RIMS1: variants seen among roughly 807,000 people sequenced by gnomAD.
RIMS1 encodes regulating synaptic membrane exocytosis 1.
In RIMS1, 83 loss-of-function variants were observed where a neutral mutation model predicts 214.1. The observed-to-expected ratio is 0.39, with a 90% confidence interval of 0.32 to 0.47. The LOEUF (loss-of-function observed/expected upper bound fraction) is 0.47. Ranked by LOEUF, RIMS1 falls within the 20% of genes least tolerant of loss-of-function variation. The probability of loss-of-function intolerance (pLI) is 0.99; values close to 1 mark genes in which losing one functional copy is unlikely to be tolerated. For synonymous variants in RIMS1, 793 were observed against 786.8 expected, an observed-to-expected ratio of 1.01 and a Z score of -0.13; for missense variants, 2,050 against 2,161.8, an observed-to-expected ratio of 0.95 and a Z score of 1.03.
At chr6:72,006,962 C>A (rs1284067030) in intron 2 of RIMS1, among the ~76,000 whole-genome samples, 1 of 152,186 alleles carries the variant, frequency 6.6e-6, no homozygotes, top group East Asian at 1.9e-4. Context: ...TGTCTGACAG[C>A]TTGGAAGACA....
intron 2 of RIMS1, among the ~76,000 whole-genome samples, chr6:71,990,634 G>A (rs9442727): frequency 0.53 from 80,850 of 151,696 alleles, 21,983 homozygotes; most frequent in East Asian, 0.83. Flanking sequence ...TAAAGAAATC[G>A]GAGATGGCTT....
In RIMS1 at chr6:71,988,443, A is replaced by T. The variant is rs536783671; in HGVS notation, c.245+19380A>T. Among the ~76,000 whole-genome samples the T allele has an allele frequency of 9.2e-4, 136 of 147,850 alleles. 1 individual carries two copies. The highest frequency in any genetic ancestry group is 1.8e-3 in the Non-Finnish European group (117 of 66,576). ...ATCCGAAATTCTTTACTTAGGAATT[A>T]AAAAAAAAAACTTGTGTGTTCTCAT... On this transcript the variant is annotated intron_variant, in intron 2 of 33. Coordinates refer to ENST00000521978, the MANE Select transcript of RIMS1 (RefSeq NM_014989.7).
chr6:72,138,521 G>A (rs1480389393), intron 4 of RIMS1, among the ~76,000 whole-genome samples: 2 of 152,078 alleles, frequency 1.3e-5, no homozygotes, highest in African/African-American at 4.8e-5. Flanking sequence ...AAAAATGTTT[G>A]TATACGTTTG....
At chr6:72,190,428 A>C (rs966468823) in intron 6 of RIMS1, among the ~76,000 whole-genome samples, 2 of 146,560 alleles carry the variant, frequency 1.4e-5, no homozygotes, top group Non-Finnish European at 3.0e-5. Flanking sequence ...GCGCCATTGC[A>C]CTCCAGCCTT....
At chr6:72,390,777 A>C (rs769570320) in intron 30 of RIMS1, 41 bp downstream of exon 30, 1 of 1,604,712 alleles carries the variant, frequency 6.2e-7, no homozygotes, top group African/African-American at 1.3e-5. Context: ...TGGAACCAGG[A>C]ATTGTGTACT....
intron 4 of RIMS1, among the ~76,000 whole-genome samples, chr6:72,137,192 G>T (rs2041428742): frequency 6.6e-6 from 1 of 151,794 alleles, no homozygotes; most frequent in Non-Finnish European, 1.5e-5. Context: ...TTGTTTCAAG[G>T]GTTTTTAAGA....
At chr6:71,909,468 A>G (rs1445632023) in intron 1 of RIMS1, among the ~76,000 whole-genome samples, 2 of 152,182 alleles carry the variant, frequency 1.3e-5, no homozygotes, top group African/African-American at 4.8e-5. Context: ...TGACATCCAA[A>G]TCACAAGTTA....
At chr6:71,912,761 C>G (rs1055586851) in intron 1 of RIMS1, among the ~76,000 whole-genome samples, 4 of 152,008 alleles carry the variant, frequency 2.6e-5, no homozygotes, top group Non-Finnish European at 4.4e-5. Context: ...GGTACTGAAT[C>G]ATATTGCCCA....
At chr6:72,165,175 G>A (rs1241516231) in intron 4 of RIMS1, among the ~76,000 whole-genome samples, 1 of 151,734 alleles carries the variant, frequency 6.6e-6, no homozygotes, top group Non-Finnish European at 1.5e-5. Context: ...CCTACTTAAG[G>A]CTATGTATTT....
At chr6:72,324,773 G>A (rs1174910173) in intron 28 of RIMS1, among the ~76,000 whole-genome samples, 1 of 151,846 alleles carries the variant, frequency 6.6e-6, no homozygotes, top group Non-Finnish European at 1.5e-5. Flanking sequence ...AAGGTTTACT[G>A]GAACACATCT....
intron 2 of RIMS1, among the ~76,000 whole-genome samples, chr6:72,092,188 A>C (rs1836407324): frequency 2.0e-5 from 3 of 152,180 alleles, no homozygotes; most frequent in Admixed American, 2.0e-4. Context: ...AGAACAATTT[A>C]ATAGAACAGT....
chr6:72,087,120 A>T (rs1156367230), intron 2 of RIMS1, among the ~76,000 whole-genome samples: 1 of 152,262 alleles, frequency 6.6e-6, no homozygotes, highest in Non-Finnish European at 1.5e-5. Flanking sequence ...CGAGACAGAC[A>T]CAAGTACATA....
chr6:72,270,472 G>C (rs1591395795), intron 22 of RIMS1, among the ~76,000 whole-genome samples: 1 of 152,076 alleles, frequency 6.6e-6, no homozygotes. Context: ...TCGTTCATTT[G>C]GGGAGTTTAG....
intron 6 of RIMS1, among the ~76,000 whole-genome samples, chr6:72,189,581 A>G (rs1179014242): frequency 6.6e-6 from 1 of 152,190 alleles, no homozygotes; most frequent in African/African-American, 2.4e-5. Context: ...AGTGTAATCA[A>G]CCTGCCACCA....
chr6:72,221,709 AGTATACCT>A (rs1457359269), intron 6 of RIMS1, among the ~76,000 whole-genome samples: 3 of 152,022 alleles, frequency 2.0e-5, no homozygotes, highest in African/African-American at 7.2e-5. Context: ...TTTTATTTAT[AGTATACCT>A]GTATATAACA....
chr6:72,305,106 A>G (rs1233067068), intron 26 of RIMS1, among the ~76,000 whole-genome samples: 1 of 151,994 alleles, frequency 6.6e-6, no homozygotes, highest in African/African-American at 2.4e-5. Flanking sequence ...TTTATGATTT[A>G]GTTTTACATT....
intron 2 of RIMS1, among the ~76,000 whole-genome samples, chr6:72,093,240 GTA>G (rs1836826148): frequency 1.1e-5 from 1 of 95,034 alleles, no homozygotes; most frequent in South Asian, 3.5e-4. Context: ...AAACATGTGT[GTA>G]TATATGTATA....
intron 6 of RIMS1, among the ~76,000 whole-genome samples, chr6:72,211,143 A>C (rs752476254): frequency 6.6e-6 from 1 of 152,190 alleles, no homozygotes; most frequent in South Asian, 2.1e-4. Context: ...GGTATTACTA[A>C]AAGGATCTGG....
chr6:71,957,075 G>T lies in RIMS1; in HGVS notation c.165-11908G>T, dbSNP rs117169976. On this transcript the variant is annotated intron_variant, in intron 1 of 33. Coordinates refer to ENST00000521978, the MANE Select transcript of RIMS1 (RefSeq NM_014989.7). ...GTTATTAGAGAAGTTTGTAAAATCTGCATTTGTATTGGACCTAGAGTAAAA... is the reference window on the plus strand; with the variant it reads ...GTTATTAGAGAAGTTTGTAAAATCTTCATTTGTATTGGACCTAGAGTAAAA... Among the ~76,000 whole-genome samples the T allele has an allele frequency of 9.5e-3, 1,445 of 152,292 alleles. 9 individuals carry two copies. The highest frequency in any genetic ancestry group is 0.017 in the Non-Finnish European group (1,140 of 68,016).
Sources: allele counts gnomAD v4.1 joint callset (sites outside exome capture counted in the v4.1 genomes callset), GRCh38; gene constraint gnomAD v4.1.1; transcripts MANE v1.5; gene names NCBI Gene and HGNC (gene_info 2026-07-23, HGNC 2026-07-21).